The following NCAM2 variants were observed in gnomAD, a reference collection of about 807,000 sequenced individuals.
NCAM2 encodes the protein N-CAM-2.
In NCAM2, 30 loss-of-function variants were observed where a neutral mutation model predicts 98.1. The observed-to-expected ratio is 0.31, with a 90% CI of 0.23 to 0.41. The LOEUF is 0.41. Among genes scored for constraint, NCAM2 ranks in the 10% least tolerant of loss-of-function variants. The pLI, the probability that NCAM2 is intolerant of heterozygous loss-of-function variation, is 1.00. For synonymous variants in NCAM2, 368 were observed against 342.4 expected, an observed-to-expected ratio of 1.07 and a Z score of -0.83; for missense variants, 867 against 1,005.8, an observed-to-expected ratio of 0.86 and a Z score of 1.87.
intron 1 of NCAM2, among the ~76,000 whole-genome samples, chr21:21,234,847 A>C (rs2070757037): frequency 6.6e-6 from 1 of 152,048 alleles, no homozygotes; most frequent in Admixed American, 6.6e-5. Context: ...ATTTAAATGA[A>C]TGATGAATAA....
chr21:21,193,492 C>CTTTTTTTTTTTT (rs768928139), intron 1 of NCAM2, among the ~76,000 whole-genome samples: 1 of 123,790 alleles, frequency 8.1e-6, no homozygotes, highest in African/African-American at 3.1e-5. Flanking sequence ...AGTACTTTTC[C>CTTTTTTTTTTTT]TTTTTTTTTT....
Position 21,338,540 on chromosome 21 carries a change from C to A in NCAM2, c.1044+6C>A, listed in dbSNP as rs777797290. The stretch of plus-strand genomic sequence containing the variant: ...CGTTCACTGAAGGCGATAAGGTAAC[C>A]ACATCTCAATATGTAATGGTTTCCA... On this transcript the variant is annotated splice_donor_region_variant and intron_variant, in intron 8 of 17. Coordinates refer to ENST00000400546, the MANE Select transcript of NCAM2 (RefSeq NM_004540.5). 9.5e-5 allele frequency: 152 copies of A among 1,596,656 alleles called. No individual in the cohort carries two copies. Among genetic ancestry groups the A allele is most frequent in the Admixed American group, 3.5e-5 (2 of 56,370 alleles).
intron 1 of NCAM2, among the ~76,000 whole-genome samples, chr21:21,162,186 A>G (rs1361781221): frequency 6.6e-6 from 1 of 152,108 alleles, no homozygotes; most frequent in South Asian, 2.1e-4. Context: ...AGTTACAGAA[A>G]CAAATTCAGG....
At chr21:21,371,702 A>G (rs974662070) in intron 8 of NCAM2, among the ~76,000 whole-genome samples, 14 of 151,904 alleles carry the variant, frequency 9.2e-5, no homozygotes, top group Admixed American at 2.6e-4. Flanking sequence ...CTAGAAAGAT[A>G]TAGTTTGCCT....
intron 1 of NCAM2, among the ~76,000 whole-genome samples, chr21:21,047,175 C>CT (rs1432665039): frequency 6.6e-6 from 1 of 152,114 alleles, no homozygotes; most frequent in Non-Finnish European, 1.5e-5. Context: ...TGGAAACACT[C>CT]TAAGGATGTT....
intron 1 of NCAM2, among the ~76,000 whole-genome samples, chr21:21,175,378 C>A (rs987531294): frequency 6.6e-6 from 1 of 151,864 alleles, no homozygotes; most frequent in Non-Finnish European, 1.5e-5. Flanking sequence ...ACTAAAAATA[C>A]AAAAATTATC....
At chr21:21,040,255 G>A (rs955693046) in intron 1 of NCAM2, among the ~76,000 whole-genome samples, 5 of 152,060 alleles carry the variant, frequency 3.3e-5, no homozygotes, top group Admixed American at 1.3e-4. Flanking sequence ...GACTCATGAA[G>A]CTTTGGCCGA....
chr21:21,023,534 A>G (rs942272693), intron 1 of NCAM2, among the ~76,000 whole-genome samples: 1 of 151,398 alleles, frequency 6.6e-6, no homozygotes, highest in African/African-American at 2.4e-5. Flanking sequence ...AAAAAAAAAA[A>G]GAAGAAGAAG....
intron 5 of NCAM2, among the ~76,000 whole-genome samples, chr21:21,319,706 A>AT (rs57536273): frequency 0.67 from 100,688 of 150,380 alleles, 34,583 homozygotes; most frequent in Non-Finnish European, 0.77. Context: ...GTTGCCTCTT[A>AT]TTTTTTTTTT....
chr21:21,225,592 A>G (rs992737379), intron 1 of NCAM2, among the ~76,000 whole-genome samples: 1 of 152,028 alleles, frequency 6.6e-6, no homozygotes, highest in East Asian at 1.9e-4. Flanking sequence ...ATGTCTGCAT[A>G]TTTTATCACT....
intron 14 of NCAM2, among the ~76,000 whole-genome samples, chr21:21,471,522 A>G (rs896698708): frequency 6.6e-6 from 1 of 152,094 alleles, no homozygotes; most frequent in African/African-American, 2.4e-5. Context: ...TTAATAAAAA[A>G]TGAAGAAAAA....
At chr21:21,287,344 A>G (rs2098043246) in intron 4 of NCAM2, among the ~76,000 whole-genome samples, 1 of 152,008 alleles carries the variant, frequency 6.6e-6, no homozygotes, top group African/African-American at 2.4e-5. Flanking sequence ...CATGTTCAAT[A>G]GTCACTTTTT....
intron 16 of NCAM2, among the ~76,000 whole-genome samples, chr21:21,518,614 T>C (rs1042117802): frequency 6.6e-6 from 1 of 151,446 alleles, no homozygotes; most frequent in African/African-American, 2.4e-5. Flanking sequence ...GAATAAATAT[T>C]ATATATAATA....
At chr21:21,056,490 C>CTG (rs10685980) in intron 1 of NCAM2, among the ~76,000 whole-genome samples, 24,518 of 138,178 alleles carry the variant, frequency 0.18, 2,232 homozygotes, top group Non-Finnish European at 0.23. Context: ...AGAGATATGT[C>CTG]TGTGTGTGTG....
chr21:21,387,603 C>T (rs2076298081), intron 9 of NCAM2, among the ~76,000 whole-genome samples: 1 of 151,928 alleles, frequency 6.6e-6, no homozygotes. Flanking sequence ...AATCCTAAAA[C>T]ATTGGTTAAT....
At chr21:21,533,583 T>A (rs1989825563) in intron 16 of NCAM2, among the ~76,000 whole-genome samples, 1 of 151,880 alleles carries the variant, frequency 6.6e-6, no homozygotes, top group Non-Finnish European at 1.5e-5. Context: ...ATAAATAGTG[T>A]TACTGTAAAC....
intron 1 of NCAM2, among the ~76,000 whole-genome samples, chr21:21,120,908 G>T (rs925862621): frequency 4.0e-5 from 6 of 151,822 alleles, no homozygotes; most frequent in African/African-American, 1.4e-4. Flanking sequence ...AGTAGAGATG[G>T]GGTTTCAGCA....
chr21:21,102,084 G>A (rs1455064771), intron 1 of NCAM2, among the ~76,000 whole-genome samples: 1 of 151,976 alleles, frequency 6.6e-6, no homozygotes, highest in Non-Finnish European at 1.5e-5. Flanking sequence ...GTCTTCCTGA[G>A]TGTCTGAGTG....
chr21:21,276,481 G>T (rs1164950547), intron 1 of NCAM2, among the ~76,000 whole-genome samples: 3 of 151,976 alleles, frequency 2.0e-5, no homozygotes, highest in Non-Finnish European at 4.4e-5. Context: ...CCTTAAGTAA[G>T]AAATTTGTGA....
Sources: gnomAD v4.1 joint callset for allele counts (sites outside exome capture counted in the v4.1 genomes callset) on GRCh38, gnomAD v4.1.1 for gene constraint, MANE v1.5 for transcripts, NCBI Gene and HGNC (gene_info 2026-07-23, HGNC 2026-07-21) for gene names.